DHX15: variants seen among roughly 807,000 people sequenced by gnomAD.
DHX15 encodes the protein DEAH-box helicase 15.
Under a neutral mutation model 94.4 loss-of-function variants are expected in DHX15, and 11 were observed. That is an observed-to-expected ratio of 0.12 (90% CI 0.07 to 0.19). The LOEUF is 0.19. Among genes scored for constraint, DHX15 ranks in the 10% least tolerant of loss-of-function variants. DHX15 has a pLI of 1.00. For missense variants in DHX15, 304 were observed against 988.5 expected, an observed-to-expected ratio of 0.31 and a Z score of 9.29; for synonymous variants, 338 against 329.9, an observed-to-expected ratio of 1.02 and a Z score of -0.27.
At chr4:24,545,066 A>G (rs572307542) in intron 6 of DHX15, among the ~76,000 whole-genome samples, 132 of 152,298 alleles carry the variant, frequency 8.7e-4, no homozygotes, top group African/African-American at 2.8e-3. Context: ...AGCTATGATC[A>G]TGGCACAGAA....
intron 1 of DHX15, among the ~76,000 whole-genome samples, chr4:24,583,724 G>T (rs544375730): frequency 1.2e-3 from 177 of 151,980 alleles, no homozygotes; most frequent in Middle Eastern, 3.4e-3. Context: ...CTCCCGGCAG[G>T]TCCTCTACTC....
At chr4:24,529,522 G>C in intron 13 of DHX15, 79 bp downstream of exon 13, 1 of 1,239,756 alleles carries the variant, frequency 8.1e-7, no homozygotes, top group Non-Finnish European at 1.2e-6. Context: ...TGAATGCAAG[G>C]CCATGACTCT....
At chr4:24,580,647 G>C (rs1319758649) in intron 1 of DHX15, 2 of 151,798 alleles carry the variant, frequency 1.3e-5, no homozygotes, top group African/African-American at 2.4e-5. Flanking sequence ...TAAGTAGCTG[G>C]GATTACAGCA....
At chr4:24,551,864 T>C (rs2109404789) in intron 5 of DHX15, among the ~76,000 whole-genome samples, 1 of 152,328 alleles carries the variant, frequency 6.6e-6, no homozygotes, top group East Asian at 1.9e-4. Context: ...AGTGCTTAAA[T>C]TAGACATTTG....
intron 9 of DHX15, among the ~76,000 whole-genome samples, chr4:24,540,541 G>A (rs1331914961): frequency 6.6e-6 from 1 of 151,718 alleles, no homozygotes; most frequent in East Asian, 1.9e-4. Flanking sequence ...ATTCATCAAT[G>A]TGTTTATCAA....
chr4:24,553,690 T>A (rs1210458889), intron 5 of DHX15, among the ~76,000 whole-genome samples: 1 of 151,432 alleles, frequency 6.6e-6, no homozygotes, highest in Non-Finnish European at 1.5e-5. Context: ...GGCAAGAGAA[T>A]CGCTTGAACC....
At chr4:24,549,986 G>C (rs919170298) in intron 5 of DHX15, among the ~76,000 whole-genome samples, 7 of 150,872 alleles carry the variant, frequency 4.6e-5, no homozygotes, top group Non-Finnish European at 1.0e-4. Flanking sequence ...CCAGCTACTC[G>C]GGAGGCTGAG....
chr4:24,535,371 T>C (rs1016594722), intron 11 of DHX15, among the ~76,000 whole-genome samples: 2 of 152,242 alleles, frequency 1.3e-5, no homozygotes, highest in African/African-American at 4.8e-5. Context: ...AATCTGTTCC[T>C]TCTCAAGGCT....
chr4:24,578,210 A>G (rs1722318643), intron 1 of DHX15, among the ~76,000 whole-genome samples: 1 of 152,262 alleles, frequency 6.6e-6, no homozygotes, highest in South Asian at 2.1e-4. Context: ...TAATAAACAT[A>G]AAATGAAGTC....
chr4:24,548,070 G>A (rs1160806214), intron 6 of DHX15, among the ~76,000 whole-genome samples: 8 of 149,094 alleles, frequency 5.4e-5, no homozygotes, highest in South Asian at 2.1e-4. Context: ...GTTCCTGTCC[G>A]TTTGACAGGA....
chr4:24,541,823 T>G, intron 8 of DHX15, 50 bp downstream of exon 8: 1 of 1,477,762 alleles, frequency 6.8e-7, no homozygotes. Context: ...GGTAAGATAA[T>G]TCAACCTAAC....
intron 1 of DHX15, among the ~76,000 whole-genome samples, chr4:24,582,014 T>A (rs1402671418): frequency 3.3e-4 from 50 of 152,068 alleles, no homozygotes; most frequent in Non-Finnish European, 1.5e-5. Flanking sequence ...TATCTGGCAG[T>A]GGAGTTTGTA....
At chr4:24,548,724 A>T in intron 6 of DHX15, 131 bp downstream of exon 6, 1 of 865,180 alleles carries the variant, frequency 1.2e-6, no homozygotes, top group Non-Finnish European at 1.7e-6. Context: ...GAACCCTACA[A>T]ATGGATATTA....
intron 1 of DHX15, among the ~76,000 whole-genome samples, chr4:24,582,521 TGA>T (rs1280435822): frequency 1.5e-4 from 23 of 152,350 alleles, no homozygotes; most frequent in African/African-American, 4.6e-4. Flanking sequence ...TGACCTCCTG[TGA>T]GAGACATCAG....
Position 24,576,459 on chromosome 4 carries a change from A to AGAATGTGTTGAATGCGTT in DHX15, c.273_290dup (p.Thr92_Ser97dup). On this transcript the variant is annotated inframe_insertion, in exon 2 of 14. Transcript: ENST00000336812. Reference sequence around the variant, plus strand: ...CATGTCCGGCATGCGTTGAATGAGCAGAATGTGTTGAATGCGTTGAATGTG... The same window carrying AGAATGTGTTGAATGCGTT: ...CATGTCCGGCATGCGTTGAATGAGCAGAATGTGTTGAATGCGTTGAATGTGTTGAATGCGTTGAATGTG... The AGAATGTGTTGAATGCGTT allele has an allele frequency of 6.2e-7, 1 of 1,614,208 alleles. No individual in the cohort carries two copies. The highest frequency in any genetic ancestry group is 1.1e-5 in the South Asian group (1 of 91,084).
chr4:24,577,430 T>G (rs1431732143), intron 1 of DHX15, among the ~76,000 whole-genome samples: 1 of 152,164 alleles, frequency 6.6e-6, no homozygotes, highest in African/African-American at 2.4e-5. Context: ...AAACTTTTAT[T>G]CCTTCTTGCT....
chr4:24,577,006 G>C (rs1722283462), intron 1 of DHX15, among the ~76,000 whole-genome samples: 1 of 152,148 alleles, frequency 6.6e-6, no homozygotes, highest in South Asian at 2.1e-4. Context: ...AGAAAGGATA[G>C]GTCCAAATTG....
chr4:24,557,292 GC>G (rs1036775622), intron 3 of DHX15, among the ~76,000 whole-genome samples: 1 of 152,154 alleles, frequency 6.6e-6, no homozygotes, highest in African/African-American at 2.4e-5. Flanking sequence ...AACACAGGAT[GC>G]CTTTAGATGC....
intron 1 of DHX15, among the ~76,000 whole-genome samples, chr4:24,580,125 G>C (rs909726644): frequency 6.6e-6 from 1 of 152,200 alleles, no homozygotes; most frequent in African/African-American, 2.4e-5. Context: ...TCTACATGGA[G>C]GGCAAGACCT....
Sources: allele counts gnomAD v4.1 joint callset (sites outside exome capture counted in the v4.1 genomes callset), GRCh38; gene constraint gnomAD v4.1.1; transcripts MANE v1.5; gene names NCBI Gene and HGNC (gene_info 2026-07-23, HGNC 2026-07-21).